The following TRPV4 variants were observed in gnomAD, a reference collection of about 807,000 sequenced individuals.
TRPV4 encodes the protein transient receptor potential cation channel subfamily V member 4.
TRPV4 carries 58 observed loss-of-function variants against 84.1 expected under a neutral mutation model. That is an observed-to-expected ratio of 0.69 (90% CI 0.56 to 0.86). The LOEUF (loss-of-function observed/expected upper bound fraction) is 0.86. TRPV4 is among the 40% of genes least tolerant of loss of function. The probability of loss-of-function intolerance (pLI) is 0.00; values close to 1 mark genes in which losing one functional copy is unlikely to be tolerated. For synonymous variants in TRPV4, 489 were observed against 500.9 expected, an observed-to-expected ratio of 0.98 and a Z score of 0.32; for missense variants, 879 against 1,181.1, an observed-to-expected ratio of 0.74 and a Z score of 3.75.
chr12:109,822,906 C>T (rs1892146436), intron 1 of TRPV4, among the ~76,000 whole-genome samples: 2 of 152,200 alleles, frequency 1.3e-5, no homozygotes, highest in Admixed American at 6.5e-5. Flanking sequence ...TCATCAGTAT[C>T]AGTGTACTAT....
rs751645299 is a variant in TRPV4, at chr12:109,796,736, C to T, written c.1153-32G>A. ...AGGGGGCCAGGAGGGTCAGGGGGCT[C>T]ACACTGGAAAGACCCCCAGGGCTGG... On this transcript the variant is annotated intron_variant, in intron 6 of 15. Transcript: ENST00000261740. The surrounding 1 kb of genome is among the most constrained non-coding windows in gnomAD (Gnocchi z 4.2). The T allele has an allele frequency of 3.1e-6, 5 of 1,590,232 alleles. No homozygotes were observed. Among genetic ancestry groups the T allele is most frequent in the East Asian group, 4.5e-5 (2 of 44,596 alleles).
intron 14 of TRPV4, 99 bp from the exon 15 acceptor site, chr12:109,784,536 T>C: frequency 6.3e-7 from 1 of 1,580,160 alleles, no homozygotes; most frequent in Non-Finnish European, 8.7e-7. Flanking sequence ...TATGGTAACA[T>C]ATACATAACA....
At chr12:109,832,401 G>GT (rs1474978436) in intron 1 of TRPV4, 1 of 152,298 alleles carries the variant, frequency 6.6e-6, no homozygotes, top group African/African-American at 2.4e-5. Context: ...CTCCCACAGG[G>GT]TATCTGCCTA....
At chr12:109,802,942 A>G (rs761265750) in intron 4 of TRPV4, 49 bp downstream of exon 4, 16 of 1,601,208 alleles carry the variant, frequency 1.0e-5, no homozygotes, top group Non-Finnish European at 1.3e-5. Context: ...AGCAAAGGAC[A>G]GCGTCTCCAT....
At chr12:109,795,034 A>G (rs1425132301) in intron 7 of TRPV4, among the ~76,000 whole-genome samples, 6 of 152,206 alleles carry the variant, frequency 3.9e-5, no homozygotes, top group Non-Finnish European at 8.8e-5. Flanking sequence ...AGAAAAAAAG[A>G]CATTTATTCT....
intron 1 of TRPV4, among the ~76,000 whole-genome samples, chr12:109,829,570 A>G (rs1389961532): frequency 6.6e-6 from 1 of 152,226 alleles, no homozygotes; most frequent in East Asian, 1.9e-4. Flanking sequence ...CTGGGGGATA[A>G]GCTGGAAGAA....
At chr12:109,825,684 G>A (rs1369450707) in intron 1 of TRPV4, among the ~76,000 whole-genome samples, 1 of 152,150 alleles carries the variant, frequency 6.6e-6, no homozygotes, top group Admixed American at 6.5e-5. Flanking sequence ...TCCCAGCTGG[G>A]AGACTAAGGA....
chr12:109,797,137 C>T (rs56365155), intron 6 of TRPV4, among the ~76,000 whole-genome samples: 5,480 of 152,176 alleles, frequency 0.036, 117 homozygotes, highest in South Asian at 0.06. Flanking sequence ...TGCCCAAGGT[C>T]AGGCAATGTT....
chr12:109,786,632 G>A lies in TRPV4; in HGVS notation c.2336+78C>T, dbSNP rs935282111. ...GCTCCAGAAATTGCAATGGGTAGACGACGCTGGAGCAGCAGGGGCCCCGAG... is the reference window on the plus strand; with the variant it reads ...GCTCCAGAAATTGCAATGGGTAGACAACGCTGGAGCAGCAGGGGCCCCGAG... On this transcript the variant is annotated intron_variant, in intron 14 of 15. Transcript: ENST00000261740. This position sits in a 1 kb window ranked among gnomAD's most constrained non-coding sequence, Gnocchi z 4.5. 4.8e-5 allele frequency: 76 copies of A among 1,582,942 alleles called. No homozygotes were observed. The highest frequency in any genetic ancestry group is 6.2e-5 in the Non-Finnish European group (72 of 1,162,226).
rs114874026 is a variant in TRPV4, at chr12:109,798,661, C to G, written c.1105G>C (p.Asp369His). The change falls in exon 6 of 16, where the codon GAC becomes CAC. Residue 369 changes from aspartate to histidine, a missense_variant. Asp to His is a moderately conservative substitution (Grantham distance 81). Transcript: ENST00000261740. This position sits in a 1 kb window ranked among gnomAD's most constrained non-coding sequence, Gnocchi z 5.0. Reference protein sequence around the residue: ...DSNLEAVLNNDGLSPLMMAAK... With the variant: ...DSNLEAVLNNHGLSPLMMAAK... ...GCCATCATGAGGGGCGAGAGGCCGTCGTTGTTGAGCACGGCCTCCAGGTTG... is the reference window on the plus strand; with the variant it reads ...GCCATCATGAGGGGCGAGAGGCCGTGGTTGTTGAGCACGGCCTCCAGGTTG... The G allele has an allele frequency of 6.2e-7, 1 of 1,613,224 alleles. No individual in the cohort carries two copies. Among genetic ancestry groups the G allele is most frequent in the Non-Finnish European group, 8.5e-7 (1 of 1,180,040 alleles).
intron 2 of TRPV4, among the ~76,000 whole-genome samples, chr12:109,810,301 G>T (rs541118810): frequency 1.3e-5 from 2 of 152,234 alleles, no homozygotes; most frequent in East Asian, 3.8e-4. Context: ...AGAGACTAAA[G>T]AGAAGGAGGA....
chr12:109,831,365 C>T (rs1892404578), intron 1 of TRPV4, among the ~76,000 whole-genome samples: 2 of 152,236 alleles, frequency 1.3e-5, no homozygotes, highest in African/African-American at 4.8e-5. Context: ...TCTCCCCTGA[C>T]CCCATCCATT....
At chr12:109,829,976 C>T (rs138362642) in intron 1 of TRPV4, among the ~76,000 whole-genome samples, 8 of 152,172 alleles carry the variant, frequency 5.3e-5, no homozygotes, top group East Asian at 3.8e-4. Flanking sequence ...CTACCACGTT[C>T]GGCTAATTTT....
intron 1 of TRPV4, among the ~76,000 whole-genome samples, chr12:109,825,096 C>T (rs1592874026): frequency 2.0e-5 from 3 of 152,120 alleles, no homozygotes; most frequent in Non-Finnish European, 4.4e-5. Flanking sequence ...AATCCCAACA[C>T]TTTGGGAGGC....
At chr12:109,805,101 C>T (rs1479933570) in intron 3 of TRPV4, among the ~76,000 whole-genome samples, 1 of 152,228 alleles carries the variant, frequency 6.6e-6, no homozygotes, top group Non-Finnish European at 1.5e-5. Flanking sequence ...TAACTGTGTG[C>T]TTATTTATGT....
chr12:109,802,746 G>A (rs1890876919), intron 4 of TRPV4, among the ~76,000 whole-genome samples: 1 of 151,974 alleles, frequency 6.6e-6, no homozygotes, highest in Middle Eastern at 3.4e-3. Context: ...AAGAGCCACC[G>A]CACCCAGTGG....
chr12:109,787,859 G>C (rs1400166496), intron 13 of TRPV4, among the ~76,000 whole-genome samples: 2 of 152,210 alleles, frequency 1.3e-5, no homozygotes, highest in Non-Finnish European at 2.9e-5. Context: ...TGTGATCCCA[G>C]GGCCTGTTCT....
At position 109,814,646 on chromosome 12, in the gene TRPV4, G is replaced by A. The variant is rs1304171330; in HGVS notation, c.151C>T (p.Pro51Ser). The A allele has an allele frequency of 1.9e-6, 3 of 1,613,738 alleles. No individual in the cohort carries two copies. Among genetic ancestry groups the A allele is most frequent in the Non-Finnish European group, 2.5e-6 (3 of 1,179,960 alleles). The change falls in exon 2 of 16, where the codon CCG (proline) becomes TCG (serine). Residue 51 changes from proline (P) to serine (S), a missense_variant. Transcript: ENST00000261740. This position sits in a 1 kb window ranked among gnomAD's most constrained non-coding sequence, Gnocchi z 5.4. ...CCAGCAGGGCGACTGGCATCAGCCGGTGAGGGCGAAAGGGAGCCATCCTCC... is the reference window on the plus strand; with the variant it reads ...CCAGCAGGGCGACTGGCATCAGCCGATGAGGGCGAAAGGGAGCCATCCTCC... Reference protein sequence around the residue: ...EGEDGSLSPSPADASRPAGPG... With the variant: ...EGEDGSLSPSSADASRPAGPG...
At chr12:109,799,451 T>C (rs1324479144) in intron 5 of TRPV4, among the ~76,000 whole-genome samples, 2 of 152,282 alleles carry the variant, frequency 1.3e-5, no homozygotes, top group South Asian at 2.1e-4. Context: ...GCCCAGCTGA[T>C]GATGGAATTC....
Sources: gnomAD v4.1 joint callset for allele counts (sites outside exome capture counted in the v4.1 genomes callset) on GRCh38, gnomAD v4.1.1 for gene constraint, Gnocchi (gnomAD v3.1) non-coding constraint, MANE v1.5 for transcripts, NCBI Gene and HGNC (gene_info 2026-07-23, HGNC 2026-07-21) for gene names.